The following PRAMEF20 variants were observed in gnomAD, a reference collection of about 807,000 sequenced individuals.
The protein encoded by PRAMEF20 is PRAME family member 20/21.
Under a neutral mutation model 32.4 loss-of-function variants are expected in PRAMEF20, and 27 were observed. That is an observed-to-expected ratio of 0.83 (90% CI 0.61 to 1.15). The LOEUF (loss-of-function observed/expected upper bound fraction) is 1.15, where lower values mean the gene tolerates loss of function less well. Among genes scored for constraint, PRAMEF20 ranks in the 50% most tolerant of loss-of-function variants. The pLI is 0.00. For synonymous variants in PRAMEF20, 256 were observed against 235.4 expected (o/e 1.09, Z -0.80); for missense variants, 604 against 584.5 (o/e 1.03, Z -0.34).
upstream of PRAMEF20, among the ~76,000 whole-genome samples, chr1:13,411,986 T>C (rs1356400711): frequency 1.3e-5 from 2 of 152,126 alleles, no homozygotes; most frequent in African/African-American, 4.8e-5. Context: ...GTGACCACCT[T>C]AGTGGCTTTT....
rs1263251883 is a variant in PRAMEF20, at chr1:13,418,120, A to G, written c.288-2A>G. The G allele has an allele frequency of 2.5e-6, 4 of 1,611,898 alleles. No individual in the cohort carries two copies. The East Asian group carries it at 8.9e-5, about 36-fold the overall frequency. On this transcript the variant is annotated splice_acceptor_variant, in intron 1 of 2. Coordinates refer to ENST00000602960, the Ensembl canonical transcript of PRAMEF20. LOFTEE classifies it high-confidence loss of function. ...CTCAGCCTCTCTTCTATTTTTCCTC[A>G]GGAGGTGGAAACTTCAAGTGCTGGA...
exon 3 of PRAMEF20, chr1:13,420,927 T>C: frequency 6.2e-7 from 1 of 1,613,726 alleles, no homozygotes; most frequent in South Asian, 1.1e-5. Context: ...GACTCCCAAG[T>C]CAACGCCATC....
exon 3 of PRAMEF20, chr1:13,421,102 C>T (rs1384564211): frequency 3.1e-6 from 5 of 1,612,862 alleles, no homozygotes; most frequent in South Asian, 1.1e-5. Context: ...TTCGTGGTAT[C>T]GTCTGCCGGA....
upstream of PRAMEF20, among the ~76,000 whole-genome samples, chr1:13,415,309 T>C (rs1380985667): frequency 2.6e-5 from 4 of 152,044 alleles, no homozygotes; most frequent in Non-Finnish European, 5.9e-5. Flanking sequence ...CTTGAACTCC[T>C]GACCTCAAAT....
chr1:13,414,348 C>T (rs1028214042), upstream of PRAMEF20, among the ~76,000 whole-genome samples: 8 of 152,048 alleles, frequency 5.3e-5, no homozygotes, highest in Admixed American at 3.9e-4. Flanking sequence ...CGTGAGCCAC[C>T]TCACCCAGCC....
chr1:13,421,003 G>A (rs951372258), exon 3 of PRAMEF20: 45 of 1,613,780 alleles, frequency 2.8e-5, no homozygotes, highest in Middle Eastern at 3.3e-4. Flanking sequence ...CCATCTCCAC[G>A]GCCACCCTGG....
At chr1:13,413,215 G>C (rs924651529), upstream of PRAMEF20, among the ~76,000 whole-genome samples, 1 of 152,184 alleles carries the variant, frequency 6.6e-6, no homozygotes, top group African/African-American at 2.4e-5. Flanking sequence ...CAGTGAATGA[G>C]TCATGGACTT....
At chr1:13,410,976 G>A in the PRAMEF20 span, among the ~76,000 whole-genome samples, 1 of 152,068 alleles carries the variant, frequency 6.6e-6, no homozygotes, top group African/African-American at 2.4e-5. Flanking sequence ...TCATGCCTCA[G>A]CCTCCTGAGT....
At chr1:13,417,324 C>T (rs1325300925) in intron 1 of PRAMEF20, among the ~76,000 whole-genome samples, 2 of 152,086 alleles carry the variant, frequency 1.3e-5, no homozygotes, top group South Asian at 2.1e-4. Flanking sequence ...TTTTATAGAG[C>T]GTTGATTGGT....
chr1:13,416,641 G>A, exon 1 of PRAMEF20: 1 of 1,614,082 alleles, frequency 6.2e-7, no homozygotes, highest in African/African-American at 1.3e-5. Flanking sequence ...GTTCGTCTCA[G>A]GTGAGGTGGC....
intron 1 of PRAMEF20, 49 bp from the exon 3 acceptor site, chr1:13,418,073 C>T: frequency 6.2e-6 from 10 of 1,610,284 alleles, no homozygotes; most frequent in Non-Finnish European, 7.6e-6. Context: ...TGAGCCCAGC[C>T]TCAGAAGTGA....
chr1:13,411,957 G>C (rs1641118527), upstream of PRAMEF20, among the ~76,000 whole-genome samples: 2 of 152,000 alleles, frequency 1.3e-5, no homozygotes, highest in Non-Finnish European at 2.9e-5. Context: ...TTTTTCTCTG[G>C]TGTCCTTTAT....
At chr1:13,420,196 G>C (rs2095429310) in intron 2 of PRAMEF20, among the ~76,000 whole-genome samples, 1 of 152,000 alleles carries the variant, frequency 6.6e-6, no homozygotes, top group Admixed American at 6.6e-5. Context: ...AAAAGACTCA[G>C]CCTGAAATGG....
chr1:13,414,324 G>T (rs1641142249), upstream of PRAMEF20, among the ~76,000 whole-genome samples: 1 of 150,810 alleles, frequency 6.6e-6, no homozygotes, highest in South Asian at 2.1e-4. Context: ...CTCCCAAAGT[G>T]CCAGGATTAC....
chr1:13,420,999 C>T, exon 3 of PRAMEF20: 2 of 1,613,852 alleles, frequency 1.2e-6, no homozygotes, highest in Non-Finnish European at 1.7e-6. Flanking sequence ...AATCCCATCT[C>T]CACGGCCACC....
chr1:13,413,620 C>T (rs2100429025), upstream of PRAMEF20, among the ~76,000 whole-genome samples: 1 of 152,222 alleles, frequency 6.6e-6, no homozygotes, highest in East Asian at 1.9e-4. Context: ...CCTTCTCAGC[C>T]CCCCAAAGTG....
Position 13,421,265 on chromosome 1 carries a change from G to A in PRAMEF20, c.*7G>A. 5 of 1,613,794 alleles carry A rather than the reference G, an allele frequency of 3.1e-6. No individual in the cohort carries two copies. The South Asian group carries it at 3.3e-5, about 11-fold the overall frequency. ...AGATCGGTGTTGCTGTTGAATGCCTGCCTATTTGGGTGGATATATCAAACT... is the reference window on the plus strand; with the variant it reads ...AGATCGGTGTTGCTGTTGAATGCCTACCTATTTGGGTGGATATATCAAACT... On this transcript the variant is annotated 3_prime_UTR_variant, in exon 3 of 3. Transcript: ENST00000602960.
At chr1:13,416,587 T>C in exon 1 of PRAMEF20, 1 of 1,614,098 alleles carries the variant, frequency 6.2e-7, no homozygotes, top group Non-Finnish European at 8.5e-7. Context: ...CCAGAGACCT[T>C]CCAAGCTGTG....
upstream of PRAMEF20, among the ~76,000 whole-genome samples, chr1:13,415,182 T>A (rs1641156679): frequency 6.6e-6 from 1 of 151,774 alleles, no homozygotes; most frequent in Admixed American, 6.6e-5. Context: ...CGGGTTCAAG[T>A]GATTCTCCTT....
Sources: gnomAD v4.1 joint callset for allele counts (sites outside exome capture counted in the v4.1 genomes callset) on GRCh38, gnomAD v4.1.1 for gene constraint, MANE v1.5 for transcripts, NCBI Gene and HGNC (gene_info 2026-07-23, HGNC 2026-07-21) for gene names.